DCDC2B: variants seen among roughly 807,000 people sequenced by gnomAD.
DCDC2B encodes doublecortin domain-containing protein 2B.
A neutral mutation model predicts 38.9 loss-of-function variants in DCDC2B; 41 were observed. The ratio of observed to expected loss-of-function variants is 1.05; its 90% confidence interval spans 0.82 to 1.37. The LOEUF (loss-of-function observed/expected upper bound fraction) is 1.37. Among genes scored for constraint, DCDC2B ranks in the 40% most tolerant of loss-of-function variants. The probability of loss-of-function intolerance (pLI) is 0.00; values close to 1 mark genes in which losing one functional copy is unlikely to be tolerated. For missense variants in DCDC2B, 453 were observed against 427.2 expected (o/e 1.06, Z -0.53); for synonymous variants, 181 against 171.9 (o/e 1.05, Z -0.41).
chr1:32,214,562 C>T (rs1026952747), intron 6 of DCDC2B: 17 of 539,746 alleles, frequency 3.1e-5, no homozygotes, highest in Non-Finnish European at 5.6e-5. Flanking sequence ...GGTGGGGAAG[C>T]ACAGTCTGGT....
At chr1:32,213,105 C>G (rs1300473907) in intron 6 of DCDC2B, among the ~76,000 whole-genome samples, 2 of 152,112 alleles carry the variant, frequency 1.3e-5, no homozygotes, top group Non-Finnish European at 2.9e-5. Context: ...ACCATGTTGG[C>G]CAGGCTGGTC....
At chr1:32,215,157 T>C (rs1638272455) in intron 7 of DCDC2B, 2 of 634,550 alleles carry the variant, frequency 3.2e-6, no homozygotes, top group African/African-American at 1.9e-5. Context: ...TGTCTCCAGC[T>C]GCCCCCGTCT....
At chr1:32,215,661 C>G in intron 8 of DCDC2B, 118 bp downstream of exon 8, 1 of 1,122,508 alleles carries the variant, frequency 8.9e-7, no homozygotes, top group South Asian at 1.5e-5. Context: ...AAATGATCTC[C>G]TAACTTCCTA....
chr1:32,211,843 T>C lies in DCDC2B; in HGVS notation c.395+6T>C, dbSNP rs765473851. ...GGTGCTCCCAGCTATATCCAGTGAG[T>C]GCCAGTGTGAGGGAGCAGGGGTGTT... On this transcript the variant is annotated splice_donor_region_variant and intron_variant, in intron 3 of 8. Coordinates refer to ENST00000409358, the MANE Select transcript of DCDC2B (RefSeq NM_001099434.2). 1.2e-6 allele frequency: 2 copies of C among 1,606,198 alleles called. No individual in the cohort carries two copies. Among genetic ancestry groups the C allele is most frequent in the South Asian group, 1.1e-5 (1 of 89,346 alleles).
chr1:32,215,051 TG>T, intron 7 of DCDC2B, 119 bp downstream of exon 7: 4 of 1,199,044 alleles, frequency 3.3e-6, no homozygotes, highest in Non-Finnish European at 3.3e-6. Context: ...AAGCCGGCAC[TG>T]GAAAAAAAAA....
In DCDC2B at chr1:32,216,163, G is replaced by A; in HGVS notation, c.*266G>A. On this transcript the variant is annotated 3_prime_UTR_variant, in exon 9 of 9. Transcript: ENST00000409358. Reference sequence around the variant, plus strand: ...GAGTAGCTGACTAAGCCTGGGAGAGGGTTTGTCACAATAAAAGAATACTTA... The same window carrying A: ...GAGTAGCTGACTAAGCCTGGGAGAGAGTTTGTCACAATAAAAGAATACTTA... 1.3e-6 allele frequency: 1 copy of A among 746,358 alleles called. No individual in the cohort carries two copies. The highest frequency in any genetic ancestry group is 2.1e-6 in the Non-Finnish European group (1 of 471,528). 46.2% of individuals were successfully genotyped at this position (746,358 alleles called of 1,614,324 possible).
intron 3 of DCDC2B, 22 bp downstream of exon 3, chr1:32,211,859 C>G: frequency 6.3e-7 from 1 of 1,595,344 alleles, no homozygotes; most frequent in Non-Finnish European, 8.5e-7. Context: ...TGTGAGGGAG[C>G]AGGGGTGTTG....
intron 1 of DCDC2B, among the ~76,000 whole-genome samples, chr1:32,209,904 A>T (rs1327473826): frequency 6.6e-6 from 1 of 152,204 alleles, no homozygotes; most frequent in East Asian, 1.9e-4. Context: ...ATCAAGAGGG[A>T]GTAAGTGGCT....
intron 6 of DCDC2B, 54 bp from the exon 7 acceptor site, chr1:32,214,743 G>C: frequency 6.2e-7 from 1 of 1,607,532 alleles, no homozygotes. Flanking sequence ...CTGGGGAGTA[G>C]GAAAGGTAAG....
chr1:32,212,429 T>C, intron 4 of DCDC2B, 61 bp from the exon 5 acceptor site: 1 of 1,597,808 alleles, frequency 6.3e-7, no homozygotes, highest in Non-Finnish European at 8.6e-7. Context: ...CCCTTCAGTC[T>C]GCTGAATGTG....
Position 32,215,964 on chromosome 1 carries a change from C to T in DCDC2B, c.*67C>T, listed in dbSNP as rs1638349519. ...GCCACCTTTTGTCCTTAGCCTCCAGCAGCTTGTTCCTCAGGAGCCAGCACC... is the reference window on the plus strand; with the variant it reads ...GCCACCTTTTGTCCTTAGCCTCCAGTAGCTTGTTCCTCAGGAGCCAGCACC... On this transcript the variant is annotated 3_prime_UTR_variant, in exon 9 of 9. Coordinates refer to ENST00000409358, the MANE Select transcript of DCDC2B (RefSeq NM_001099434.2). The T allele has an allele frequency of 2.2e-6, 3 of 1,334,376 alleles. No individual in the cohort carries two copies. The highest frequency in any genetic ancestry group is 4.1e-5 in the Admixed American group (2 of 48,814). The allele number at this position is 1,334,376 out of a possible 1,614,324, so 82.7% of individuals were successfully genotyped here.
intron 8 of DCDC2B, 41 bp from the exon 9 acceptor site, chr1:32,215,761 T>C (rs1475491208): frequency 7.5e-6 from 11 of 1,466,352 alleles, no homozygotes; most frequent in Non-Finnish European, 1.0e-5. Flanking sequence ...AGGCTGGCCA[T>C]ACTCACGGCT....
rs781707265 is a variant in DCDC2B at position 32,212,078 on chromosome 1, G to A, written c.404G>A (p.Arg135Lys). 6.2e-7 allele frequency: 1 copy of A among 1,613,138 alleles called. No homozygotes were observed. The highest frequency in any genetic ancestry group is 1.1e-5 in the South Asian group (1 of 90,978). ...CAGGCTTTTTGTCTCAGTGTGTTCAGGAATGGGGACCTGGTAAGTCCCCCA... is the reference window on the plus strand; with the variant it reads ...CAGGCTTTTTGTCTCAGTGTGTTCAAGAATGGGGACCTGGTAAGTCCCCCA... Reference protein sequence around the residue: ...AGAPSYIHVFRNGDLVSPPFS... With the variant: ...AGAPSYIHVFKNGDLVSPPFS... The change falls in exon 4 of 9, where the codon AGG becomes AAG. Residue 135 changes from arginine (R) to lysine (K), a missense_variant. Transcript: ENST00000409358.
In DCDC2B at chr1:32,215,922, T is replaced by C. The variant is rs1638346278; in HGVS notation, c.*25T>C. The C allele has an allele frequency of 1.3e-6, 2 of 1,528,978 alleles. No individual in the cohort carries two copies. Among genetic ancestry groups the C allele is most frequent in the African/African-American group, 1.4e-5 (1 of 72,472 alleles). 94.7% of individuals were successfully genotyped at this position (1,528,978 alleles called of 1,614,324 possible). A position where few individuals can be genotyped will look rare whatever the true frequency, so the allele number is the denominator to read the frequency against. Reference sequence around the variant, plus strand: ...AGAGCCAGCAGCTCCAGAGGGCAACTGGGGACCACTACTCTGGCCACCTTT... The same window carrying C: ...AGAGCCAGCAGCTCCAGAGGGCAACCGGGGACCACTACTCTGGCCACCTTT... On this transcript the variant is annotated 3_prime_UTR_variant, in exon 9 of 9. Coordinates refer to ENST00000409358, the MANE Select transcript of DCDC2B (RefSeq NM_001099434.2).
chr1:32,211,336 G>C lies in DCDC2B; in HGVS notation c.318+13G>C, dbSNP rs760154954. On this transcript the variant is annotated intron_variant, in intron 2 of 8. Transcript: ENST00000409358. Reference sequence around the variant, plus strand: ...CTGCAGACTACAAGTGAGTCCCGGGGAACCTGTGCCCCAGCCCCTCTGTCT... The same window carrying C: ...CTGCAGACTACAAGTGAGTCCCGGGCAACCTGTGCCCCAGCCCCTCTGTCT... 6.2e-7 allele frequency: 1 copy of C among 1,613,652 alleles called. No homozygotes were observed. The highest frequency in any genetic ancestry group is 2.2e-5 in the East Asian group (1 of 44,880).
intron 7 of DCDC2B, 170 bp from the exon 8 acceptor site, chr1:32,215,270 G>C: frequency 1.6e-6 from 1 of 619,100 alleles, no homozygotes; most frequent in Non-Finnish European, 2.8e-6. Context: ...ATATAGAGGG[G>C]ATGGGGGTGG....
chr1:32,213,792 G>C (rs1163564386), intron 6 of DCDC2B, among the ~76,000 whole-genome samples: 1 of 151,052 alleles, frequency 6.6e-6, no homozygotes, highest in Non-Finnish European at 1.5e-5. Context: ...TTACAGGCGT[G>C]AGCCACCGCG....
At position 32,211,773 on chromosome 1, in the gene DCDC2B, A is replaced by G. The variant is rs929786680; in HGVS notation, c.331A>G (p.Thr111Ala). 2 of 1,608,744 alleles carry G rather than the reference A, an allele frequency of 1.2e-6. No individual in the cohort carries two copies. The highest frequency in any genetic ancestry group is 1.7e-6 in the Non-Finnish European group (2 of 1,177,840). Reference sequence around the variant, plus strand: ...ACATGGGTTTCAGGGTCCTCCCGTGACTCGCCACTTGTGTGATGGGGCCAT... The same window carrying G: ...ACATGGGTTTCAGGGTCCTCCCGTGGCTCGCCACTTGTGTGATGGGGCCAT... ...KSCRLQGPPV[T>A]RHLCDGAIGR... Residue 111 changes from threonine to alanine, a missense_variant, in exon 3 of 9, where the codon ACT becomes GCT. Thr to Ala is a moderately conservative substitution (Grantham distance 58). Coordinates refer to ENST00000409358, the MANE Select transcript of DCDC2B (RefSeq NM_001099434.2).
At chr1:32,212,409 C>T in intron 4 of DCDC2B, 81 bp from the exon 5 acceptor site, 3 of 1,576,796 alleles carry the variant, frequency 1.9e-6, no homozygotes, top group Non-Finnish European at 2.6e-6. Flanking sequence ...CTTGGAATAG[C>T]TGCACCCACC....
Sources: gnomAD v4.1 joint callset for allele counts (sites outside exome capture counted in the v4.1 genomes callset) on GRCh38, gnomAD v4.1.1 for gene constraint, MANE v1.5 for transcripts, NCBI Gene and HGNC (gene_info 2026-07-23, HGNC 2026-07-21) for gene names.